TMC5: variants seen among roughly 807,000 people sequenced by gnomAD.
The protein encoded by TMC5 is transmembrane channel-like protein 5.
Under a neutral mutation model 110.5 loss-of-function variants are expected in TMC5, and 86 were observed. That is an observed-to-expected ratio of 0.78 (90% CI 0.65 to 0.93). TMC5 has a LOEUF of 0.93. Among genes scored for constraint, TMC5 ranks in the 40% least tolerant of loss-of-function variants. The pLI is 0.00. For missense variants in TMC5, 1,144 were observed against 1,222.8 expected (o/e 0.94, Z 0.96); for synonymous variants, 455 against 439.5 (o/e 1.04, Z -0.44).
chr16:19,438,280 T>C (rs973622554), intron 2 of TMC5, among the ~76,000 whole-genome samples: 2 of 149,288 alleles, frequency 1.3e-5, no homozygotes, highest in African/African-American at 5.0e-5. Context: ...TGGTCCTAGC[T>C]ACTCAGGAGG....
At chr16:19,435,646 C>A (rs1434218285) in intron 2 of TMC5, among the ~76,000 whole-genome samples, 2 of 152,190 alleles carry the variant, frequency 1.3e-5, no homozygotes, top group Non-Finnish European at 2.9e-5. Flanking sequence ...CAGCCAGCAA[C>A]CCAGAGATTC....
At chr16:19,487,044 C>T (rs375353932) in intron 16 of TMC5, 24 bp downstream of exon 16, 17 of 1,612,702 alleles carry the variant, frequency 1.1e-5, no homozygotes, top group Non-Finnish European at 1.3e-5. Context: ...ACATTGCCAT[C>T]AATCAGCTTT....
chr16:19,497,286 C>A, intron 21 of TMC5, 123 bp downstream of exon 21: 1 of 1,020,736 alleles, frequency 9.8e-7, no homozygotes, highest in Non-Finnish European at 1.5e-6. Context: ...TCCAAACTGG[C>A]TTAAACAAAA....
intron 5 of TMC5, among the ~76,000 whole-genome samples, chr16:19,457,600 G>C (rs538071014): frequency 1.3e-5 from 2 of 150,556 alleles, no homozygotes; most frequent in Non-Finnish European, 3.0e-5. Context: ...CCACACCTTT[G>C]AGGTGGCATT....
At chr16:19,493,226 G>T (rs1352735308) in intron 19 of TMC5, among the ~76,000 whole-genome samples, 2 of 151,708 alleles carry the variant, frequency 1.3e-5, no homozygotes, top group Non-Finnish European at 1.5e-5. Flanking sequence ...CTCCCAAAGT[G>T]CTAAGATTAC....
intron 17 of TMC5, among the ~76,000 whole-genome samples, chr16:19,489,628 C>A (rs912433015): frequency 1.3e-5 from 2 of 149,348 alleles, no homozygotes; most frequent in African/African-American, 4.9e-5. Context: ...GCCACCGCGC[C>A]TGGCATGCCT....
chr16:19,441,605 C>A (rs1290626174), intron 3 of TMC5, among the ~76,000 whole-genome samples: 1 of 151,912 alleles, frequency 6.6e-6, no homozygotes, highest in Non-Finnish European at 1.5e-5. Context: ...GTTTGCACCA[C>A]TTCTGATTTT....
chr16:19,474,016 C>A lies in TMC5; in HGVS notation c.1939-109C>A, dbSNP rs1021383626. 2.9e-6 allele frequency: 3 copies of A among 1,041,994 alleles called. No homozygotes were observed. The African/African-American group carries it at 4.9e-5, about 17-fold the overall frequency. The allele number at this position is 1,041,994 out of a possible 1,614,324, so 64.5% of individuals were successfully genotyped here. A position where few individuals can be genotyped will look rare whatever the true frequency, so the allele number is the denominator to read the frequency against. On this transcript the variant is annotated intron_variant, in intron 11 of 21. Coordinates refer to ENST00000542583, the MANE Select transcript of TMC5 (RefSeq NM_001261841.2). ...AATAAATAAATAGATAAATAGTTAACCGCAGAGGAGCTACTTCTCGGGTTT... is the reference window on the plus strand; with the variant it reads ...AATAAATAAATAGATAAATAGTTAAACGCAGAGGAGCTACTTCTCGGGTTT...
intron 6 of TMC5, among the ~76,000 whole-genome samples, chr16:19,461,787 C>A (rs1015855272): frequency 2.0e-5 from 3 of 151,772 alleles, no homozygotes; most frequent in Non-Finnish European, 4.4e-5. Context: ...GTAAGTGATT[C>A]ATGGATGTAG....
intron 2 of TMC5, among the ~76,000 whole-genome samples, chr16:19,438,265 G>A (rs1017766588): frequency 6.6e-6 from 1 of 151,144 alleles, no homozygotes; most frequent in Non-Finnish European, 1.5e-5. Context: ...CAAGATGCAT[G>A]CTTGTGGTCC....
At chr16:19,460,105 G>T (rs1967983765) in intron 5 of TMC5, 130 bp from the exon 6 acceptor site, 1 of 553,804 alleles carries the variant, frequency 1.8e-6, no homozygotes, top group Non-Finnish European at 3.1e-6. Context: ...GTTTTCCTTT[G>T]TGATCTTTGA....
intron 18 of TMC5, 36 bp downstream of exon 18, chr16:19,490,604 C>G (rs1332910457): frequency 1.9e-6 from 3 of 1,610,232 alleles, no homozygotes; most frequent in Non-Finnish European, 2.5e-6. Context: ...GCAGGGAAAG[C>G]CAGGAGCTCT....
intron 1 of TMC5, among the ~76,000 whole-genome samples, chr16:19,422,243 G>A (rs1479598095): frequency 1.4e-5 from 2 of 144,994 alleles, no homozygotes; most frequent in African/African-American, 2.6e-5. Context: ...AAAAAAAAAA[G>A]AGAGAGAGAG....
intron 20 of TMC5, among the ~76,000 whole-genome samples, chr16:19,495,110 G>T (rs912151520): frequency 0.013 from 391 of 30,994 alleles, 81 homozygotes; most frequent in African/African-American, 0.027. Context: ...CGCCTCCCGG[G>T]TTCACGCCAT....
rs2143463000 is a variant in TMC5, at chr16:19,440,081, G to T, written c.43G>T (p.Asp15Tyr). The T allele has an allele frequency of 6.2e-7, 1 of 1,614,052 alleles. No homozygotes were observed. Among genetic ancestry groups the T allele is most frequent in the Non-Finnish European group, 8.5e-7 (1 of 1,180,012 alleles). Residue 15 changes from aspartate (D) to tyrosine (Y), a missense_variant, in exon 3 of 22, where the codon GAT becomes TAT. Asp to Tyr is a radical substitution (Grantham distance 160). Coordinates refer to ENST00000542583, the MANE Select transcript of TMC5 (RefSeq NM_001261841.2). Reference sequence around the variant, plus strand: ...GAATAACTGGTCTGAGGAAGACCCAGATTACCCTGACTATTCAGGGTCTCA... The same window carrying T: ...GAATAACTGGTCTGAGGAAGACCCATATTACCCTGACTATTCAGGGTCTCA... ...YRNNWSEEDP[D>Y]YPDYSGSQNR...
Position 19,440,077 on chromosome 16 carries a change from C to G in TMC5, c.39C>G (p.Asp13Glu). ...ACAGGAATAACTGGTCTGAGGAAGA[C>G]CCAGATTACCCTGACTATTCAGGGT... ...AYYRNNWSEE[D>E]PDYPDYSGSQ... is the part of the protein sequence containing the mutation. The change falls in exon 3 of 22, where the codon GAC (aspartate) becomes GAG (glutamate). Residue 13 changes from aspartate to glutamate, a missense_variant. Asp to Glu is a conservative substitution (Grantham distance 45). Coordinates refer to ENST00000542583, the MANE Select transcript of TMC5 (RefSeq NM_001261841.2). The G allele has an allele frequency of 6.2e-7, 1 of 1,614,008 alleles. No homozygotes were observed. Among genetic ancestry groups the G allele is most frequent in the Non-Finnish European group, 8.5e-7 (1 of 1,179,988 alleles).
chr16:19,412,793 G>A (rs181433334), intron 1 of TMC5, among the ~76,000 whole-genome samples: 318 of 152,286 alleles, frequency 2.1e-3, no homozygotes, highest in Non-Finnish European at 3.9e-3. Flanking sequence ...TGGGGGAATG[G>A]CACAGTAGTT....
chr16:19,456,707 A>G, intron 5 of TMC5: 1 of 1,604,512 alleles, frequency 6.2e-7, no homozygotes, highest in South Asian at 1.1e-5. Flanking sequence ...GAGGCAGGAG[A>G]TGCTGTCCGA....
intron 1 of TMC5, among the ~76,000 whole-genome samples, chr16:19,423,829 G>A (rs2143369921): frequency 6.6e-6 from 1 of 152,268 alleles, no homozygotes; most frequent in Non-Finnish European, 1.5e-5. Context: ...TTGGCTCACT[G>A]CAATCTCCAC....
Sources: gnomAD v4.1 joint callset for allele counts (sites outside exome capture counted in the v4.1 genomes callset) on GRCh38, gnomAD v4.1.1 for gene constraint, MANE v1.5 for transcripts, NCBI Gene and HGNC (gene_info 2026-07-23, HGNC 2026-07-21) for gene names.